Variants in PCDH15 observed in about 807,000 individuals in gnomAD.
PCDH15 encodes the protein protocadherin-15.
In PCDH15, 129 loss-of-function variants were observed where a neutral mutation model predicts 178.5. The observed-to-expected ratio is 0.72, with a 90% confidence interval of 0.63 to 0.84. The LOEUF (loss-of-function observed/expected upper bound fraction) is 0.84, where lower values mean the gene tolerates loss of function less well. Among genes scored for constraint, PCDH15 ranks in the 40% least tolerant of loss-of-function variants. PCDH15 has a pLI of 0.00. For synonymous variants in PCDH15, 800 were observed against 732.0 expected (o/e 1.09, Z -1.50); for missense variants, 2,230 against 2,099.9 (o/e 1.06, Z -1.21).
intron 3 of PCDH15, among the ~76,000 whole-genome samples, chr10:54,485,871 T>C (rs1031295201): frequency 2.6e-5 from 4 of 152,022 alleles, no homozygotes; most frequent in Non-Finnish European, 4.4e-5. Context: ...CTTGAATAAA[T>C]TCTTTAAAGC....
At chr10:54,852,261 G>A (rs1591742140) in intron 3 of PCDH15, among the ~76,000 whole-genome samples, 1 of 151,690 alleles carries the variant, frequency 6.6e-6, no homozygotes, top group African/African-American at 2.4e-5. Context: ...TATTCTTGCT[G>A]AGTTCTTAGA....
At chr10:54,822,109 A>G (rs1324379584) in intron 3 of PCDH15, among the ~76,000 whole-genome samples, 1 of 152,188 alleles carries the variant, frequency 6.6e-6, no homozygotes, top group Non-Finnish European at 1.5e-5. Context: ...ACAATCAATA[A>G]GGGTAATTGG....
intron 6 of PCDH15, among the ~76,000 whole-genome samples, chr10:54,344,862 T>C (rs528252587): frequency 6.9e-6 from 1 of 145,422 alleles, no homozygotes; most frequent in South Asian, 2.2e-4. Context: ...CTTGGTTTTA[T>C]TGTCTCTGCC....
chr10:54,052,299 C>T (rs1455516404), intron 18 of PCDH15, among the ~76,000 whole-genome samples: 1 of 152,174 alleles, frequency 6.6e-6, no homozygotes, highest in Non-Finnish European at 1.5e-5. Context: ...TCAATGGCAG[C>T]CCATGAAAGC....
intron 26 of PCDH15, among the ~76,000 whole-genome samples, chr10:53,873,894 C>A (rs1297529619): frequency 1.3e-5 from 2 of 152,106 alleles, no homozygotes; most frequent in Non-Finnish European, 2.9e-5. Context: ...TTCCGTTTTG[C>A]CATGAGAGGA....
intron 7 of PCDH15, among the ~76,000 whole-genome samples, chr10:54,327,668 T>C (rs1464384656): frequency 6.6e-6 from 1 of 151,892 alleles, no homozygotes. Context: ...TTGTGGCACA[T>C]TTTTTCATGT....
At chr10:54,412,591 T>C (rs1194381419) in intron 3 of PCDH15, among the ~76,000 whole-genome samples, 2 of 152,200 alleles carry the variant, frequency 1.3e-5, no homozygotes, top group East Asian at 1.9e-4. Context: ...CTAACTTCTA[T>C]TGTCCTCAAA....
rs1156300439 is a variant in PCDH15 at position 54,022,878 on chromosome 10, T to C, written c.2526+14A>G. ...AATGTAGGATTCATGTAATAAATGC[T>C]TTTTCCCACACACCTCTATTTGAAG... is the stretch of plus-strand genomic sequence containing the variant. On this transcript the variant is annotated intron_variant, in intron 19 of 37. Transcript: ENST00000644397. 1.2e-6 allele frequency: 2 copies of C among 1,613,238 alleles called. No individual in the cohort carries two copies. Among genetic ancestry groups the C allele is most frequent in the African/African-American group, 2.7e-5 (2 of 74,890 alleles).
chr10:54,645,750 A>G (rs886494098), intron 2 of PCDH15, among the ~76,000 whole-genome samples: 1 of 152,214 alleles, frequency 6.6e-6, no homozygotes. Context: ...ACATTAAGGA[A>G]TATTGATTAA....
At position 55,561,531 on chromosome 10, in the gene PCDH15, A is replaced by G. The variant is rs370618374; in HGVS notation, c.-156+66094T>C. Among the ~76,000 whole-genome samples the G allele has an allele frequency of 2.4e-4, 37 of 152,050 alleles. 1 individual carries two copies. Among genetic ancestry groups the G allele is most frequent in the African/African-American group, 8.2e-4 (34 of 41,550 alleles). On this transcript the variant is annotated intron_variant, in intron 2 of 5. Coordinates refer to the PCDH15 transcript ENST00000613346. Reference sequence around the variant, plus strand: ...TTAACTATAGTCTTTGAAAGAGTACAATTCCAAAATAGTATGATGTGAGGG... The same window carrying G: ...TTAACTATAGTCTTTGAAAGAGTACGATTCCAAAATAGTATGATGTGAGGG...
At chr10:54,266,510 A>G (rs962791456) in intron 8 of PCDH15, among the ~76,000 whole-genome samples, 1 of 151,986 alleles carries the variant, frequency 6.6e-6, no homozygotes, top group African/African-American at 2.4e-5. Flanking sequence ...AGGATCAACA[A>G]AATGAAAAGT....
intron 8 of PCDH15, among the ~76,000 whole-genome samples, chr10:54,242,753 A>G (rs1384951095): frequency 6.6e-6 from 1 of 152,164 alleles, no homozygotes; most frequent in Non-Finnish European, 1.5e-5. Context: ...TAACGTATAC[A>G]TAGTAGTATA....
intron 3 of PCDH15, among the ~76,000 whole-genome samples, chr10:54,834,442 G>T (rs562393353): frequency 1.2e-3 from 178 of 152,070 alleles, no homozygotes; most frequent in Non-Finnish European, 1.9e-3. Flanking sequence ...GCCTCCCAAA[G>T]TGCTGGGTTA....
chr10:55,193,162 T>G lies in PCDH15; in HGVS notation c.-155-26511A>C, dbSNP rs557561879. On this transcript the variant is annotated intron_variant, in intron 1 of 5. Transcript: ENST00000458638. ...GTAATTTTGATGTGTCATGCAGGAA[T>G]TTTTCCCCTCACGAGTTATGTCAGA... 4.9e-4 allele frequency among the ~76,000 whole-genome samples: 74 copies of G among 151,896 alleles called. No homozygotes were observed. In the South Asian group the frequency reaches 0.015, roughly 30 times the overall value.
At chr10:55,193,195 G>T (rs1337739976) in intron 1 of PCDH15, among the ~76,000 whole-genome samples, 1 of 151,686 alleles carries the variant, frequency 6.6e-6, no homozygotes, top group Middle Eastern at 3.2e-3. Context: ...AGAAATTCTA[G>T]GGTGGCTTAC....
Position 55,243,013 on chromosome 10 carries a change from T to G in PCDH15, c.-155-76362A>C, listed in dbSNP as rs1048736392. Among the ~76,000 whole-genome samples the G allele has an allele frequency of 2.2e-4, 33 of 152,166 alleles. 1 individual carries two copies. The highest frequency in any genetic ancestry group is 2.9e-5 in the Non-Finnish European group (2 of 68,014). On this transcript the variant is annotated intron_variant, in intron 1 of 5. Transcript: ENST00000458638. Reference sequence around the variant, plus strand: ...TAACAGATATTTTTTCTAGAGGAAATGGAATAGAGACCTTACAGAAAATTT... The same window carrying G: ...TAACAGATATTTTTTCTAGAGGAAAGGGAATAGAGACCTTACAGAAAATTT...
At chr10:55,395,564 A>T (rs1429699346) in intron 2 of PCDH15, among the ~76,000 whole-genome samples, 1 of 152,096 alleles carries the variant, frequency 6.6e-6, no homozygotes, top group Non-Finnish European at 1.5e-5. Context: ...CTTGCCAGAC[A>T]TGGGTATTTG....
chr10:54,839,874 AG>A, intron 3 of PCDH15, among the ~76,000 whole-genome samples: 1 of 152,154 alleles, frequency 6.6e-6, no homozygotes, highest in East Asian at 1.9e-4. Context: ...AAAGTGCTGA[AG>A]GAAAAAAAAA....
intron 2 of PCDH15, among the ~76,000 whole-genome samples, chr10:55,141,904 T>C (rs1407977396): frequency 6.6e-6 from 1 of 152,000 alleles, no homozygotes. Flanking sequence ...ACATCTTTTG[T>C]GGACATCAAA....
Sources: gnomAD v4.1 joint callset for allele counts (sites outside exome capture counted in the v4.1 genomes callset) on GRCh38, gnomAD v4.1.1 for gene constraint, MANE v1.5 for transcripts, NCBI Gene and HGNC (gene_info 2026-07-23, HGNC 2026-07-21) for gene names.